FLNC: variants seen among roughly 807,000 people sequenced by gnomAD.
FLNC encodes the protein filamin C.
A neutral mutation model predicts 254.3 loss-of-function variants in FLNC; 91 were observed. That is an observed-to-expected ratio of 0.36 (90% CI 0.30 to 0.43). The LOEUF (loss-of-function observed/expected upper bound fraction) is 0.43. Among genes scored for constraint, FLNC ranks in the 20% least tolerant of loss-of-function variants. The probability of loss-of-function intolerance (pLI) is 1.00; values close to 1 mark genes in which losing one functional copy is unlikely to be tolerated. For missense variants in FLNC, 2,853 were observed against 3,802.6 expected (o/e 0.75, Z 6.57); for synonymous variants, 1,430 against 1,577.2 (o/e 0.91, Z 2.21).
Position 128,849,534 on chromosome 7 carries a change from C to T in FLNC, c.5155C>T (p.Arg1719Cys), listed in dbSNP as rs773260834. 8.7e-6 allele frequency: 14 copies of T among 1,614,154 alleles called. No individual in the cohort carries two copies. The highest frequency in any genetic ancestry group is 2.2e-5 in the East Asian group (1 of 44,886). The change falls in exon 30 of 48, where the codon CGC (arginine) becomes TGC (cysteine). Residue 1719 changes from arginine to cysteine, a missense_variant. Transcript: ENST00000325888. ...PEPGKYVITI[R>C]FGGEHIPNSP... ...GCCGGGCAAGTACGTCATCACCATC[C>T]GCTTCGGGGGTGAGCACATCCCCAA...
chr7:128,843,184 G>A lies in FLNC; in HGVS notation c.2551-45G>A, dbSNP rs766746756. On this transcript the variant is annotated intron_variant, in intron 16 of 47. Coordinates refer to ENST00000325888, the MANE Select transcript of FLNC (RefSeq NM_001458.5). ...AGCCAGCATCTAGCTGAGAGCAGGG[G>A]TGTGTTCCCCTCGAGAGCCCTGACT... is the stretch of plus-strand genomic sequence containing the variant. The A allele has an allele frequency of 3.6e-5, 54 of 1,518,698 alleles. 1 individual carries two copies. The highest frequency in any genetic ancestry group is 1.7e-4 in the South Asian group (14 of 84,032). 94.1% of individuals were successfully genotyped at this position (1,518,698 alleles called of 1,614,324 possible).
chr7:128,849,272 G>A, intron 29 of FLNC, 59 bp from the exon 30 acceptor site: 1 of 1,614,148 alleles, frequency 6.2e-7, no homozygotes, highest in South Asian at 1.1e-5. Context: ...CGGGCAGCGG[G>A]AACAGAGAGG....
intron 23 of FLNC, 55 bp downstream of exon 23, chr7:128,846,518 C>T: frequency 6.3e-7 from 1 of 1,584,980 alleles, no homozygotes; most frequent in South Asian, 1.1e-5. Context: ...CAGCCCCTGG[C>T]CCTCCTCGCT....
intron 7 of FLNC, 31 bp downstream of exon 7, chr7:128,838,460 A>G (rs768757318): frequency 1.2e-6 from 2 of 1,605,850 alleles, no homozygotes; most frequent in Middle Eastern, 3.3e-4. Flanking sequence ...TGCAGGTGGA[A>G]AGCCCCTGAC....
chr7:128,856,996 G>GA lies in FLNC; in HGVS notation c.7561+76dup. ...ACTAGTCTGGTGCTGCTTTGCTCCA[G>GA]AGGTAGGGGCCCTGCTTCCTAAGCC... On this transcript the variant is annotated intron_variant, in intron 45 of 47. Coordinates refer to ENST00000325888, the MANE Select transcript of FLNC (RefSeq NM_001458.5). This position sits in a 1 kb window ranked among gnomAD's most constrained non-coding sequence, Gnocchi z 5.9. 6.3e-7 allele frequency: 1 copy of GA among 1,584,848 alleles called. No individual in the cohort carries two copies. The highest frequency in any genetic ancestry group is 1.1e-5 in the South Asian group (1 of 90,478).
At position 128,851,450 on chromosome 7, in the gene FLNC, T is replaced by C; in HGVS notation, c.5669-5T>C. ...CTCTGATCTTGGCCACACCTCCACC[T>C]ACAGGGGGTCTGTCACTGGCCGTGG... On this transcript the variant is annotated splice_region_variant and splice_polypyrimidine_tract_variant and intron_variant, in intron 34 of 47. Transcript: ENST00000325888. 1 of 1,613,934 alleles carries C rather than the reference T, an allele frequency of 6.2e-7. No individual in the cohort carries two copies. Among genetic ancestry groups the C allele is most frequent in the South Asian group, 1.1e-5 (1 of 91,082 alleles).
rs769734177 is a variant in FLNC at position 128,853,043 on chromosome 7, C to T, written c.6208+12C>T. 5.6e-6 allele frequency: 9 copies of T among 1,609,666 alleles called. No homozygotes were observed. The highest frequency in any genetic ancestry group is 7.6e-6 in the Non-Finnish European group (9 of 1,177,356). On this transcript the variant is annotated intron_variant, in intron 37 of 47. Transcript: ENST00000325888. Reference sequence around the variant, plus strand: ...CACTCGCAATGCAGGTACCTCCTGCCCCAGAGAGCCCCCATTCCAGCGGGT... The same window carrying T: ...CACTCGCAATGCAGGTACCTCCTGCTCCAGAGAGCCCCCATTCCAGCGGGT...
intron 1 of FLNC, 136 bp downstream of exon 1, chr7:128,831,125 T>G: frequency 1.3e-6 from 1 of 794,196 alleles, no homozygotes; most frequent in African/African-American, 1.7e-5. Flanking sequence ...GAGAAGACCC[T>G]GGCCCCGGCC....
In FLNC at chr7:128,842,274, G is replaced by A; in HGVS notation, c.2165G>A (p.Gly722Asp). 6.2e-7 allele frequency: 1 copy of A among 1,613,780 alleles called. No homozygotes were observed. Among genetic ancestry groups the A allele is most frequent in the Non-Finnish European group, 8.5e-7 (1 of 1,179,962 alleles). ...ATCGACATCAAGGTGATCCCCAACG[G>A]CGACGGCACCTTCCGCTGCTCCTAC... ...CPIDIKVIPN[G>D]DGTFRCSYVP... is the part of the protein sequence containing the mutation. Residue 722 changes from glycine (G) to aspartate (D), a missense_variant, in exon 14 of 48, where the codon GGC becomes GAC. Physicochemically the swap from Gly to Asp is moderately conservative, Grantham distance 94. Around this residue, in one of 10 missense-constraint regions of FLNC, gnomAD observed 1,573 missense variants for 1,883.5 expected, o/e 0.84. Transcript: ENST00000325888. The surrounding 1 kb of genome is among the most constrained non-coding windows in gnomAD (Gnocchi z 5.4).
chr7:128,839,127 C>T (rs1180474744), intron 8 of FLNC, among the ~76,000 whole-genome samples: 4 of 152,240 alleles, frequency 2.6e-5, no homozygotes, highest in African/African-American at 9.6e-5. Context: ...CCATCGTCCA[C>T]CAGGCCGAGA....
intron 7 of FLNC, 39 bp from the exon 8 acceptor site, chr7:128,838,564 T>C: frequency 6.2e-7 from 1 of 1,611,290 alleles, no homozygotes; most frequent in South Asian, 1.1e-5. Context: ...GGCAGCTGTG[T>C]GTGTCCAGAG....
intron 42 of FLNC, 141 bp from the exon 43 acceptor site, chr7:128,855,058 C>T (rs934185501): frequency 1.9e-6 from 2 of 1,057,326 alleles, no homozygotes; most frequent in Admixed American, 3.4e-5. Context: ...CTCCCTCTAC[C>T]CCACACCCTC....
chr7:128,837,682 C>T lies in FLNC; in HGVS notation c.896C>T (p.Thr299Ile), dbSNP rs774743325. ...ACCGTGCTGCAGCCTGCCCACTTCA[C>T]CGTGCAGACGGTGGACGCGGGCGTG... is the stretch of plus-strand genomic sequence containing the variant. ...GNTVLQPAHF[T>I]VQTVDAGVGE... is the part of the protein sequence containing the mutation. The change falls in exon 5 of 48, where the codon ACC becomes ATC. Residue 299 changes from threonine (T) to isoleucine (I), a missense_variant. Around this residue, in one of 10 missense-constraint regions of FLNC, gnomAD observed 1,573 missense variants for 1,883.5 expected, o/e 0.84. Transcript: ENST00000325888. 3.5e-5 allele frequency: 56 copies of T among 1,611,974 alleles called. No individual in the cohort carries two copies. The highest frequency in any genetic ancestry group is 4.5e-5 in the Non-Finnish European group (53 of 1,179,880).
Position 128,857,885 on chromosome 7 carries a change from G to C in FLNC, c.7781-123G>C. On this transcript the variant is annotated intron_variant, in intron 46 of 47. Transcript: ENST00000325888. The surrounding 1 kb of genome is among the most constrained non-coding windows in gnomAD (Gnocchi z 4.5). ...TAGAGTGGCCCTTGGAGGAATTTGA[G>C]GGGGAGCCTCAAATGCAGGCAGTGA... 2.6e-6 allele frequency: 2 copies of C among 763,050 alleles called. No individual in the cohort carries two copies. Among genetic ancestry groups the C allele is most frequent in the Middle Eastern group, 7.1e-4 (2 of 2,832 alleles). 47.3% of individuals were successfully genotyped at this position (763,050 alleles called of 1,614,324 possible).
rs767238755 is a variant in FLNC, at chr7:128,847,836, C to T, written c.4428C>T (p.Pro1476=). ...ATTGCAGTCAAGCTGGCCGGGCGCC[C>T]CTGCAGGTGGCTGTGCTGGGCCCCA... ...TVDCSQAGRA[P]LQVAVLGPTG... is the part of the protein sequence containing the mutation. Residue 1476 remains proline (P), a synonymous_variant, in exon 25 of 48, where the codon CCC becomes CCT. Transcript: ENST00000325888. 1.2e-6 allele frequency: 2 copies of T among 1,613,646 alleles called. No homozygotes were observed. The highest frequency in any genetic ancestry group is 1.7e-6 in the Non-Finnish European group (2 of 1,179,796).
At position 128,843,701 on chromosome 7, in the gene FLNC, C is replaced by T. The variant is rs941903822; in HGVS notation, c.2812-95C>T. The T allele has an allele frequency of 7.4e-6, 11 of 1,489,250 alleles. No homozygotes were observed. The African/African-American group carries it at 1.4e-4, about 19-fold the overall frequency. The allele number at this position is 1,489,250 out of a possible 1,614,324, so 92.3% of individuals were successfully genotyped here. A position where few individuals can be genotyped will look rare whatever the true frequency, so the allele number is the denominator to read the frequency against. ...CTTTCCTGCCTCCTGCCCTCACTCT[C>T]ATGGTGGATCTGAGCTTCAGAGCCC... On this transcript the variant is annotated intron_variant, in intron 18 of 47. Transcript: ENST00000325888.
At chr7:128,833,484 G>A (rs1366598050) in intron 1 of FLNC, among the ~76,000 whole-genome samples, 2 of 152,194 alleles carry the variant, frequency 1.3e-5, no homozygotes, top group African/African-American at 4.8e-5. Context: ...ATTGCTTCCA[G>A]AGTGGGACTT....
At position 128,848,587 on chromosome 7, in the gene FLNC, C is replaced by G; in HGVS notation, c.4607C>G (p.Ala1536Gly). The change falls in exon 27 of 48, where the codon GCT becomes GGT. Residue 1536 changes from alanine to glycine, a missense_variant. Ala to Gly is a moderately conservative substitution (Grantham distance 60, BLOSUM62 0). Coordinates refer to ENST00000325888, the MANE Select transcript of FLNC (RefSeq NM_001458.5). Reference sequence around the variant, plus strand: ...CCCTTCAAGATCAAGGTCCTCCCAGCTCATGATGCCAGCAAGGTGCGGGCC... The same window carrying G: ...CCCTTCAAGATCAAGGTCCTCCCAGGTCATGATGCCAGCAAGGTGCGGGCC... Reference protein sequence around the residue: ...RSPFKIKVLPAHDASKVRASG... With the variant: ...RSPFKIKVLPGHDASKVRASG... The G allele has an allele frequency of 6.2e-7, 1 of 1,614,008 alleles. No homozygotes were observed. Among genetic ancestry groups the G allele is most frequent in the Non-Finnish European group, 8.5e-7 (1 of 1,180,026 alleles).
In FLNC at chr7:128,856,629, T is replaced by A; in HGVS notation, c.7363T>A (p.Tyr2455Asn). The A allele has an allele frequency of 6.2e-7, 1 of 1,612,900 alleles. No homozygotes were observed. The highest frequency in any genetic ancestry group is 8.5e-7 in the Non-Finnish European group (1 of 1,180,004). ...ACCCTCGGGGGCTGTGGAGGAGTGC[T>A]ACGTCTCTGAGCTGGACAGTGGTGA... is the stretch of plus-strand genomic sequence containing the variant. ...HTPSGAVEECYVSELDSDKHT... is the reference protein window; with the variant it reads ...HTPSGAVEECNVSELDSDKHT... The change falls in exon 44 of 48, where the codon TAC becomes AAC. Residue 2455 changes from tyrosine to asparagine, a missense_variant. Physicochemically the swap from Tyr to Asn is moderately radical, Grantham distance 143 (BLOSUM62 -2). Coordinates refer to ENST00000325888, the MANE Select transcript of FLNC (RefSeq NM_001458.5). This position sits in a 1 kb window ranked among gnomAD's most constrained non-coding sequence, Gnocchi z 5.9.
Sources: allele counts gnomAD v4.1 joint callset (sites outside exome capture counted in the v4.1 genomes callset), GRCh38; gene constraint gnomAD v4.1.1; regional missense constraint gnomAD v4.1.1; non-coding constraint Gnocchi (gnomAD v3.1); transcripts MANE v1.5; gene names NCBI Gene and HGNC (gene_info 2026-07-23, HGNC 2026-07-21).